IL1RAPL1: variants seen among roughly 807,000 people sequenced by gnomAD.
IL1RAPL1 encodes interleukin-1 receptor accessory protein-like 1.
In IL1RAPL1, 3 loss-of-function variants were observed where a neutral mutation model predicts 48.4. The observed-to-expected ratio is 0.06, with a 90% CI of 0.03 to 0.16. The LOEUF (loss-of-function observed/expected upper bound fraction) is 0.16, where lower values mean the gene tolerates loss of function less well. IL1RAPL1 is among the 10% of genes least tolerant of loss of function. The pLI is 1.00. For synonymous variants in IL1RAPL1, 185 were observed against 187.7 expected (o/e 0.99, Z 0.12); for missense variants, 349 against 530.6 (o/e 0.66, Z 3.36).
rs111372629 is a variant in IL1RAPL1, at chrX:29,713,201, A to G, written c.778+44697A>G. On this transcript the variant is annotated intron_variant, in intron 6 of 10. Coordinates refer to ENST00000378993, the MANE Select transcript of IL1RAPL1 (RefSeq NM_014271.4). ...GGTATGTGATTATAGATTTTAATCT[A>G]TAAAGGAAATGTTTCTTGTAGCTAT... Among the ~76,000 whole-genome samples, 875 of 111,862 alleles carry G rather than the reference A, an allele frequency of 7.8e-3. 5 individuals carry two copies. Among genetic ancestry groups the G allele is most frequent in the Admixed American group, 0.015 (156 of 10,484 alleles).
chrX:28,903,118 TTTTG>T (rs1319595245), intron 2 of IL1RAPL1, among the ~76,000 whole-genome samples: 1 of 111,224 alleles, frequency 9.0e-6, no homozygotes, highest in Non-Finnish European at 1.9e-5. Context: ...CTTTCCTTTT[TTTTG>T]TTTGTTTGTT....
intron 6 of IL1RAPL1, among the ~76,000 whole-genome samples, chrX:29,837,881 T>C (rs1931052906): frequency 8.9e-6 from 1 of 112,099 alleles, no homozygotes; most frequent in South Asian, 3.7e-4. Context: ...GCAGAAAATA[T>C]AGCTGCATAT....
intron 5 of IL1RAPL1, among the ~76,000 whole-genome samples, chrX:29,654,994 A>G (rs1002958477): frequency 8.9e-6 from 1 of 111,812 alleles, no homozygotes; most frequent in African/African-American, 3.3e-5. Flanking sequence ...TTTTGGTTAC[A>G]GCATTAAAGG....
At chrX:29,188,255 G>C (rs1930289887) in intron 2 of IL1RAPL1, among the ~76,000 whole-genome samples, 1 of 111,612 alleles carries the variant, frequency 9.0e-6, no homozygotes, top group Non-Finnish European at 1.9e-5. Flanking sequence ...TGACTGGCAG[G>C]ATAGGACTAT....
In IL1RAPL1 at chrX:29,490,850, G is replaced by GTATA. The variant is rs71922699; in HGVS notation, c.703+91543_703+91544insATAT. On this transcript the variant is annotated intron_variant, in intron 5 of 10. Coordinates refer to ENST00000378993, the MANE Select transcript of IL1RAPL1 (RefSeq NM_014271.4). ...ATCTGAGGTATGTGTGTGTGTGTGT[G>GTATA]TGTATATATATATATTCTGAGTGTG... Among the ~76,000 whole-genome samples, 57 of 99,322 alleles carry GTATA rather than the reference G, an allele frequency of 5.7e-4. 1 individual carries two copies. The highest frequency in any genetic ancestry group is 1.5e-3 in the South Asian group (3 of 2,044). The allele number at this position is 99,322 out of a possible 115,157, so 86.2% of individuals were successfully genotyped here. A position where few individuals can be genotyped will look rare whatever the true frequency, so the allele number is the denominator to read the frequency against.
chrX:29,752,103 T>TATATAC (rs1383320614), intron 6 of IL1RAPL1, among the ~76,000 whole-genome samples: 26 of 96,386 alleles, frequency 2.7e-4, no homozygotes, highest in Admixed American at 8.2e-4. Context: ...TATATATATA[T>TATATAC]ACACACATAT....
intron 1 of IL1RAPL1, among the ~76,000 whole-genome samples, chrX:28,674,264 C>A (rs1483046994): frequency 9.1e-6 from 1 of 109,421 alleles, no homozygotes; most frequent in Admixed American, 9.8e-5. Context: ...AAAAAAAAAA[C>A]CCAAAACAAC....
chrX:29,543,181 G>C (rs1369602333), intron 5 of IL1RAPL1, among the ~76,000 whole-genome samples: 1 of 105,100 alleles, frequency 9.5e-6, no homozygotes, highest in Admixed American at 1.0e-4. Context: ...GTATCTTTAG[G>C]TATATTTATC....
At chrX:29,545,257 T>G (rs1471333422) in intron 5 of IL1RAPL1, among the ~76,000 whole-genome samples, 2 of 110,428 alleles carry the variant, frequency 1.8e-5, no homozygotes, top group African/African-American at 6.6e-5. Flanking sequence ...CAACAAATGT[T>G]CGTAAAATAG....
chrX:29,624,313 T>G (rs761672265), intron 5 of IL1RAPL1, among the ~76,000 whole-genome samples: 8 of 112,043 alleles, frequency 7.1e-5, no homozygotes, highest in Non-Finnish European at 1.3e-4. Flanking sequence ...ATTTCTTTCC[T>G]TATATGAGAA....
intron 6 of IL1RAPL1, among the ~76,000 whole-genome samples, chrX:29,857,020 T>C (rs1353522574): frequency 2.7e-5 from 3 of 111,511 alleles, no homozygotes; most frequent in Non-Finnish European, 5.7e-5. Context: ...TGCAATGGCA[T>C]AGTTTCATAG....
At chrX:29,138,977 T>A (rs6628410) in intron 2 of IL1RAPL1, among the ~76,000 whole-genome samples, 81 of 111,295 alleles carry the variant, frequency 7.3e-4, no homozygotes, top group African/African-American at 2.4e-3. Context: ...ATGAAAGTAA[T>A]GAGAATCATT....
At chrX:28,873,523 C>CTTTTTTTTTTTTTTTTTTTTTTTTTTT (rs10554661) in intron 2 of IL1RAPL1, among the ~76,000 whole-genome samples, 1 of 56,661 alleles carries the variant, frequency 1.8e-5, no homozygotes, top group African/African-American at 8.1e-5. Context: ...TTCTTTCTTT[C>CTTTTTTTTTTTTTTTTTTTTTTTTTTT]TTTTTTTTTT....
At chrX:29,840,063 G>A (rs1931104979) in intron 6 of IL1RAPL1, among the ~76,000 whole-genome samples, 1 of 112,252 alleles carries the variant, frequency 8.9e-6, no homozygotes, top group Admixed American at 9.5e-5. Flanking sequence ...TTGCACTGGG[G>A]GGTCGCAGGC....
chrX:29,712,522 G>A (rs1927379795), intron 6 of IL1RAPL1, among the ~76,000 whole-genome samples: 1 of 111,772 alleles, frequency 8.9e-6, no homozygotes, highest in South Asian at 3.6e-4. Context: ...GTCTAAATAT[G>A]AAATTCTATA....
At chrX:28,998,447 A>G (rs1473982394) in intron 2 of IL1RAPL1, among the ~76,000 whole-genome samples, 3 of 111,777 alleles carry the variant, frequency 2.7e-5, no homozygotes, top group Non-Finnish European at 5.6e-5. Flanking sequence ...CCTGCATTTA[A>G]TTCTTTCATG....
rs1164413508 is a variant in IL1RAPL1, at chrX:29,045,973, CCTCCTTCT to C, written c.83-236964_83-236957del. On this transcript the variant is annotated intron_variant, in intron 2 of 10. Coordinates refer to ENST00000378993, the MANE Select transcript of IL1RAPL1 (RefSeq NM_014271.4). ...TCCTCCTCCTCCTCCTCCTTCTTCT[CCTCCTTCT>C]TCCTCCTCCTCCTCCTTCTTCTTCT... Among the ~76,000 whole-genome samples, 12 of 76,128 alleles carry C rather than the reference CCTCCTTCT, an allele frequency of 1.6e-4. No individual in the cohort carries two copies. In the Admixed American group the frequency reaches 1.7e-3, roughly 11 times the overall value. The allele number at this position is 76,128 out of a possible 115,157, so 66.1% of individuals were successfully genotyped here. A position where few individuals can be genotyped will look rare whatever the true frequency, so the allele number is the denominator to read the frequency against.
chrX:28,609,628 T>TACACACACACACACAC (rs3078234), intron 1 of IL1RAPL1, among the ~76,000 whole-genome samples: 3 of 89,440 alleles, frequency 3.4e-5, no homozygotes, highest in East Asian at 3.7e-4. Context: ...TGCATGTTCT[T>TACACACACACACACAC]ACACACACAC....
intron 2 of IL1RAPL1, among the ~76,000 whole-genome samples, chrX:29,100,095 C>A (rs1928302622): frequency 9.1e-6 from 1 of 110,492 alleles, no homozygotes; most frequent in African/African-American, 3.3e-5. Context: ...GCTTGTAATG[C>A]CAGCTACTTG....
Sources: gnomAD v4.1 joint callset for allele counts (sites outside exome capture counted in the v4.1 genomes callset) on GRCh38, gnomAD v4.1.1 for gene constraint, MANE v1.5 for transcripts, NCBI Gene and HGNC (gene_info 2026-07-23, HGNC 2026-07-21) for gene names.